MYOF: variants seen among roughly 807,000 people sequenced by gnomAD.
MYOF encodes fer-1-like 3, myoferlin.
A neutral mutation model predicts 284.2 loss-of-function variants in MYOF; 244 were observed. The observed-to-expected ratio is 0.86, with a 90% CI of 0.77 to 0.95. The LOEUF is 0.95. Among genes scored for constraint, MYOF ranks in the 40% least tolerant of loss-of-function variants. The pLI is 0.00. For missense variants in MYOF, 2,496 were observed against 2,560.6 expected (o/e 0.97, Z 0.54); for synonymous variants, 904 against 919.7 (o/e 0.98, Z 0.31).
intron 51 of MYOF, among the ~76,000 whole-genome samples, chr10:93,312,779 C>A (rs787665): frequency 6.6e-6 from 1 of 152,076 alleles, no homozygotes; most frequent in Non-Finnish European, 1.5e-5. Context: ...TGGGCTTCTA[C>A]TTTTTGACCA....
intron 43 of MYOF, among the ~76,000 whole-genome samples, chr10:93,330,315 A>C (rs986589650): frequency 2.0e-5 from 3 of 152,256 alleles, no homozygotes; most frequent in African/African-American, 4.8e-5. Flanking sequence ...TCACCAGAGC[A>C]CCTCCACCCA....
chr10:93,412,415 C>T (rs2134137444), intron 5 of MYOF, among the ~76,000 whole-genome samples: 1 of 152,280 alleles, frequency 6.6e-6, no homozygotes, highest in South Asian at 2.1e-4. Context: ...TCTCTTAGGG[C>T]ACCTGGATCC....
intron 5 of MYOF, among the ~76,000 whole-genome samples, chr10:93,425,325 T>C (rs1848536121): frequency 6.6e-6 from 1 of 151,920 alleles, no homozygotes; most frequent in South Asian, 2.1e-4. Flanking sequence ...GACTGTGCCT[T>C]GGTCATGCAT....
chr10:93,339,779 T>C (rs369628157), intron 39 of MYOF, among the ~76,000 whole-genome samples: 6 of 151,194 alleles, frequency 4.0e-5, no homozygotes, highest in African/African-American at 1.5e-4. Context: ...CCCCTAGATT[T>C]AGAAAAAAAT....
chr10:93,399,721 A>G (rs1847185099), intron 12 of MYOF, among the ~76,000 whole-genome samples: 1 of 152,150 alleles, frequency 6.6e-6, no homozygotes, highest in Non-Finnish European at 1.5e-5. Flanking sequence ...AAAATACAAA[A>G]ATTAGCTGGG....
intron 2 of MYOF, among the ~76,000 whole-genome samples, chr10:93,452,703 A>T (rs903455284): frequency 6.6e-6 from 1 of 152,148 alleles, no homozygotes; most frequent in Non-Finnish European, 1.5e-5. Flanking sequence ...TTAAAGTATA[A>T]TAATAACAAA....
intron 3 of MYOF, 47 bp downstream of exon 3, chr10:93,452,003 T>G: frequency 9.4e-6 from 12 of 1,282,484 alleles, no homozygotes; most frequent in Non-Finnish European, 1.2e-5. Flanking sequence ...TAAACAACAG[T>G]GAGATAGTAA....
At chr10:93,398,158 C>T (rs937568021) in intron 13 of MYOF, among the ~76,000 whole-genome samples, 2 of 152,132 alleles carry the variant, frequency 1.3e-5, no homozygotes, top group Non-Finnish European at 2.9e-5. Context: ...TAGTTTTCCC[C>T]GCTTGCTGGC....
At chr10:93,315,784 C>T (rs1050054297) in intron 50 of MYOF, among the ~76,000 whole-genome samples, 11 of 151,658 alleles carry the variant, frequency 7.3e-5, no homozygotes, top group Admixed American at 1.3e-4. Context: ...GGGTGGTTGG[C>T]GGGTTGGAGG....
At chr10:93,359,169 CCAGCT>C (rs1208721595) in intron 29 of MYOF, among the ~76,000 whole-genome samples, 1 of 152,132 alleles carries the variant, frequency 6.6e-6, no homozygotes, top group Non-Finnish European at 1.5e-5. Flanking sequence ...GGTTCCAGCA[CCAGCT>C]TTGTCACTTA....
At position 93,374,830 on chromosome 10, in the gene MYOF, G is replaced by T; in HGVS notation, c.2234C>A (p.Thr745Lys). The T allele has an allele frequency of 1.2e-6, 2 of 1,614,192 alleles. No individual in the cohort carries two copies. The highest frequency in any genetic ancestry group is 1.7e-6 in the Non-Finnish European group (2 of 1,180,016). Residue 745 changes from threonine to lysine, a missense_variant, in exon 23 of 54, where the codon ACA becomes AAA. Physicochemically the swap from Thr to Lys is moderately conservative, Grantham distance 78 (BLOSUM62 -1). Transcript: ENST00000359263. ...TTCTGCCAGTGTGGACTTCACATCTGTGGCTTCCGACCTCATCCTCACAGC... is the reference window on the plus strand; with the variant it reads ...TTCTGCCAGTGTGGACTTCACATCTTTGGCTTCCGACCTCATCCTCACAGC... ...EAAVRMRSEA[T>K]DVKSTLAEIE...
intron 4 of MYOF, among the ~76,000 whole-genome samples, chr10:93,430,393 C>A (rs758145078): frequency 3.3e-5 from 5 of 151,708 alleles, no homozygotes; most frequent in Non-Finnish European, 5.9e-5. Flanking sequence ...ACCAGCCTAA[C>A]CAATATGGTG....
intron 3 of MYOF, among the ~76,000 whole-genome samples, chr10:93,450,671 T>G (rs970511542): frequency 1.3e-5 from 2 of 152,198 alleles, no homozygotes; most frequent in African/African-American, 4.8e-5. Flanking sequence ...AAACCAGGAC[T>G]GTCTCAAGCA....
At chr10:93,323,199 C>A (rs1564617477) in intron 47 of MYOF, 26 bp from the exon 48 acceptor site, 2 of 1,613,022 alleles carry the variant, frequency 1.2e-6, no homozygotes, top group Non-Finnish European at 1.7e-6. Context: ...TTGGAAGGTA[C>A]TTTTTTTTCT....
chr10:93,372,734 C>T (rs1015989540), intron 24 of MYOF, among the ~76,000 whole-genome samples, 196 bp downstream of exon 24: 3 of 152,148 alleles, frequency 2.0e-5, no homozygotes, highest in Non-Finnish European at 4.4e-5. Flanking sequence ...AAGGAGGTGT[C>T]CTTGATTGAA....
At chr10:93,411,378 C>T (rs891305898) in intron 5 of MYOF, among the ~76,000 whole-genome samples, 1 of 152,206 alleles carries the variant, frequency 6.6e-6, no homozygotes, top group Non-Finnish European at 1.5e-5. Flanking sequence ...TCCCTTGAGC[C>T]CATTTTGATC....
At chr10:93,364,133 C>T (rs894058460) in intron 26 of MYOF, 58 bp from the exon 27 acceptor site, 16 of 1,423,912 alleles carry the variant, frequency 1.1e-5, no homozygotes, top group Admixed American at 3.4e-5. Flanking sequence ...GCAGCCTCGG[C>T]GATTGCCAAC....
chr10:93,431,633 G>T, intron 3 of MYOF, 117 bp from the exon 4 acceptor site: 1 of 708,344 alleles, frequency 1.4e-6, no homozygotes, highest in Non-Finnish European at 2.4e-6. Context: ...ACTATAATGA[G>T]ATGTGGGCCA....
intron 26 of MYOF, among the ~76,000 whole-genome samples, 154 bp downstream of exon 26, chr10:93,366,238 T>C (rs1845320414): frequency 6.6e-6 from 1 of 152,236 alleles, no homozygotes; most frequent in Non-Finnish European, 1.5e-5. Flanking sequence ...TGGTGGAACA[T>C]CTTTCAACTT....
Sources: allele counts gnomAD v4.1 joint callset (sites outside exome capture counted in the v4.1 genomes callset), GRCh38; gene constraint gnomAD v4.1.1; transcripts MANE v1.5; gene names NCBI Gene and HGNC (gene_info 2026-07-23, HGNC 2026-07-21).